Variants in ERC2 observed in about 807,000 individuals in gnomAD.
The protein encoded by ERC2 is ELKS/RAB6-interacting/CAST family member 2, also known as ERC protein 2.
In ERC2, 42 loss-of-function variants were observed where a neutral mutation model predicts 114.8. The ratio of observed to expected loss-of-function variants is 0.37; its 90% CI spans 0.29 to 0.47. ERC2 has a LOEUF of 0.47. ERC2 is among the 20% of genes least tolerant of loss of function. ERC2 has a pLI of 0.99. For synonymous variants in ERC2, 454 were observed against 425.5 expected (o/e 1.07, Z -0.82); for missense variants, 939 against 1,150.7 (o/e 0.82, Z 2.66).
intron 15 of ERC2, among the ~76,000 whole-genome samples, chr3:55,733,542 TCACACACACACACACACACA>T (rs58311179): frequency 2.8e-5 from 3 of 107,806 alleles, no homozygotes; most frequent in African/African-American, 7.3e-5. Flanking sequence ...TCTCTCTCTC[TCACACACACACACACACACA>T]CACACACACA....
chr3:55,684,831 T>C (rs2148781632), intron 16 of ERC2, among the ~76,000 whole-genome samples: 1 of 152,322 alleles, frequency 6.6e-6, no homozygotes, highest in South Asian at 2.1e-4. Flanking sequence ...ACACATAGTT[T>C]GAGAGCTGTG....
intron 3 of ERC2, among the ~76,000 whole-genome samples, chr3:56,241,171 G>A (rs1056026061): frequency 3.9e-5 from 6 of 151,974 alleles, no homozygotes; most frequent in Non-Finnish European, 5.9e-5. Flanking sequence ...CTGATATCCA[G>A]AATCTACAAA....
intron 14 of ERC2, among the ~76,000 whole-genome samples, chr3:55,835,626 A>G (rs1259099856): frequency 6.6e-6 from 1 of 152,230 alleles, no homozygotes; most frequent in African/African-American, 2.4e-5. Context: ...GCTATCTATG[A>G]AAAACACACA....
intron 4 of ERC2, among the ~76,000 whole-genome samples, chr3:56,159,864 A>G (rs1367390726): frequency 6.6e-6 from 1 of 152,288 alleles, no homozygotes; most frequent in Non-Finnish European, 1.5e-5. Context: ...TGTATATAGT[A>G]TCCCATGGCG....
At chr3:56,291,998 G>A (rs1197087610) in intron 3 of ERC2, among the ~76,000 whole-genome samples, 1 of 152,160 alleles carries the variant, frequency 6.6e-6, no homozygotes, top group Admixed American at 6.5e-5. Flanking sequence ...TCATTAATTA[G>A]AAGCACTTTT....
chr3:56,304,630 T>C (rs1260774071), intron 2 of ERC2, among the ~76,000 whole-genome samples: 1 of 152,154 alleles, frequency 6.6e-6, no homozygotes, highest in African/African-American at 2.4e-5. Flanking sequence ...TATTAGCAAG[T>C]GGAATACAGG....
At chr3:55,940,002 A>G (rs1377885393) in intron 13 of ERC2, among the ~76,000 whole-genome samples, 4 of 152,230 alleles carry the variant, frequency 2.6e-5, no homozygotes, top group Non-Finnish European at 5.9e-5. Flanking sequence ...TGCACTCCAG[A>G]TGGAAAACAG....
intron 7 of ERC2, among the ~76,000 whole-genome samples, chr3:56,019,634 A>C (rs1380879145): frequency 6.6e-6 from 1 of 152,170 alleles, no homozygotes; most frequent in Admixed American, 6.5e-5. Flanking sequence ...AACAAGTACT[A>C]AACACTCCAT....
At chr3:55,562,675 A>G (rs1295829307) in intron 17 of ERC2, among the ~76,000 whole-genome samples, 1 of 152,046 alleles carries the variant, frequency 6.6e-6, no homozygotes, top group Non-Finnish European at 1.5e-5. Context: ...CAGCCAGCCC[A>G]ATTGCCCTCC....
At chr3:56,223,518 CAAA>C (rs60141863) in intron 3 of ERC2, among the ~76,000 whole-genome samples, 13,825 of 122,990 alleles carry the variant, frequency 0.11, 938 homozygotes, top group South Asian at 0.37. Flanking sequence ...AGAAAAATGG[CAAA>C]AAAAAAAAAA....
intron 3 of ERC2, among the ~76,000 whole-genome samples, chr3:56,193,351 T>C (rs1456169210): frequency 6.6e-6 from 1 of 151,848 alleles, no homozygotes; most frequent in East Asian, 1.9e-4. Context: ...CTACTGAAAA[T>C]ACAAAAATTA....
chr3:56,307,948 G>A (rs970752029), intron 2 of ERC2, among the ~76,000 whole-genome samples: 2 of 152,108 alleles, frequency 1.3e-5, no homozygotes, highest in African/African-American at 2.4e-5. Flanking sequence ...TGTCTCACCA[G>A]ACCGTCGGCA....
chr3:55,600,488 C>T (rs1231839545), intron 17 of ERC2, among the ~76,000 whole-genome samples: 1 of 152,192 alleles, frequency 6.6e-6, no homozygotes, highest in African/African-American at 2.4e-5. Context: ...ATGGGGGAAA[C>T]ATTCACGTCT....
chr3:55,925,226 T>C (rs529354279), intron 13 of ERC2, among the ~76,000 whole-genome samples: 18 of 152,260 alleles, frequency 1.2e-4, no homozygotes, highest in South Asian at 4.1e-4. Context: ...ACGGAGGGCA[T>C]TGAATGTCCC....
intron 14 of ERC2, among the ~76,000 whole-genome samples, chr3:55,778,791 T>C (rs760882322): frequency 6.6e-6 from 1 of 152,160 alleles, no homozygotes; most frequent in Non-Finnish European, 1.5e-5. Flanking sequence ...ATAAAGGATG[T>C]TCATGCATAC....
At chr3:55,680,088 T>A (rs571569082) in intron 17 of ERC2, among the ~76,000 whole-genome samples, 2 of 152,346 alleles carry the variant, frequency 1.3e-5, no homozygotes, top group Non-Finnish European at 1.5e-5. Context: ...TTACTCACCA[T>A]AACATTGTCC....
At chr3:56,318,590 C>CA (rs750926050) in intron 2 of ERC2, among the ~76,000 whole-genome samples, 3,923 of 136,542 alleles carry the variant, frequency 0.029, 137 homozygotes, top group Admixed American at 0.13. Flanking sequence ...AACTCAAAAG[C>CA]AAAAAAAAAA....
intron 17 of ERC2, among the ~76,000 whole-genome samples, chr3:55,545,194 C>T (rs2054659433): frequency 6.6e-6 from 1 of 152,204 alleles, no homozygotes; most frequent in African/African-American, 2.4e-5. Flanking sequence ...CCACCACGGC[C>T]ACATCTCTCT....
At chr3:55,518,711 T>C (rs2052699401) in intron 17 of ERC2, among the ~76,000 whole-genome samples, 1 of 152,206 alleles carries the variant, frequency 6.6e-6, no homozygotes, top group African/African-American at 2.4e-5. Context: ...AAAAAGTTCA[T>C]TAAGTACATT....
Sources: allele counts gnomAD v4.1 joint callset (sites outside exome capture counted in the v4.1 genomes callset), GRCh38; gene constraint gnomAD v4.1.1; transcripts MANE v1.5; gene names NCBI Gene and HGNC (gene_info 2026-07-23, HGNC 2026-07-21).